The following CAMK4 variants were observed in gnomAD, a reference collection of about 807,000 sequenced individuals.
CAMK4 encodes calcium/calmodulin-dependent protein kinase type IV.
Under a neutral mutation model 44.9 loss-of-function variants are expected in CAMK4, and 22 were observed. The ratio of observed to expected loss-of-function variants is 0.49; its 90% CI spans 0.35 to 0.70. CAMK4 has a LOEUF of 0.70. Among genes scored for constraint, CAMK4 ranks in the 30% least tolerant of loss-of-function variants. The pLI is 0.01. For synonymous variants in CAMK4, 218 were observed against 215.4 expected, an observed-to-expected ratio of 1.01 and a Z score of -0.11; for missense variants, 498 against 586.8, an observed-to-expected ratio of 0.85 and a Z score of 1.56.
chr5:111,398,292 G>C (rs1039276719), intron 5 of CAMK4, among the ~76,000 whole-genome samples: 2 of 152,172 alleles, frequency 1.3e-5, no homozygotes, highest in South Asian at 2.1e-4. Context: ...CTTGACTCAG[G>C]CTTCCTTCCC....
intron 4 of CAMK4, among the ~76,000 whole-genome samples, chr5:111,387,500 C>T (rs1171699780): frequency 6.6e-6 from 1 of 152,182 alleles, no homozygotes; most frequent in Non-Finnish European, 1.5e-5. Flanking sequence ...CTAAAGCCAG[C>T]AGTAATCTTT....
At chr5:111,253,618 C>A (rs980568208) in intron 1 of CAMK4, among the ~76,000 whole-genome samples, 7 of 152,096 alleles carry the variant, frequency 4.6e-5, no homozygotes, top group African/African-American at 1.7e-4. Flanking sequence ...CAGAAATGAA[C>A]AAATGTACAT....
chr5:111,491,608 A>G lies in CAMK4; in HGVS notation c.*7142A>G, dbSNP rs1344334461. ...ACGCAAAATTGCATCACTCCTGAAG[A>G]AAAGAAATTTAGAGTATGAATTGAG... On this transcript the variant is annotated 3_prime_UTR_variant, in exon 11 of 11. Transcript: ENST00000282356. 1 of 152,184 alleles carries G rather than the reference A, an allele frequency of 6.6e-6. No individual in the cohort carries two copies. The highest frequency in any genetic ancestry group is 1.5e-5 in the Non-Finnish European group (1 of 68,034). 9.4% of individuals were successfully genotyped at this position (152,184 alleles called of 1,614,324 possible).
intron 2 of CAMK4, among the ~76,000 whole-genome samples, chr5:111,353,812 T>C (rs1168667773): frequency 6.6e-6 from 1 of 152,114 alleles, no homozygotes; most frequent in Non-Finnish European, 1.5e-5. Flanking sequence ...ATCTGTACTC[T>C]GAAAACTGTA....
chr5:111,481,324 G>A (rs1390203827), intron 9 of CAMK4, among the ~76,000 whole-genome samples: 4 of 152,058 alleles, frequency 2.6e-5, no homozygotes, highest in Non-Finnish European at 4.4e-5. Context: ...CCTGTTCAAC[G>A]GATAATAGCC....
rs141582367 is a variant in CAMK4 at position 111,232,502 on chromosome 5, T to G, written c.161+7858T>G. 1.2e-3 allele frequency among the ~76,000 whole-genome samples: 183 copies of G among 152,166 alleles called. 1 individual carries two copies. The highest frequency in any genetic ancestry group is 4.2e-3 in the African/African-American group (174 of 41,522). The stretch of plus-strand genomic sequence containing the variant: ...GATATACATTTTTGTTTTGCAAAAT[T>G]TATAAAGCATGAACATTGCAATGGC... On this transcript the variant is annotated intron_variant, in intron 1 of 10. Transcript: ENST00000282356.
At chr5:111,431,356 TAAATC>T (rs750716454) in intron 5 of CAMK4, among the ~76,000 whole-genome samples, 3 of 152,058 alleles carry the variant, frequency 2.0e-5, no homozygotes, top group Admixed American at 1.3e-4. Context: ...ATACAAAAAT[TAAATC>T]AAAAAGGATT....
Position 111,289,498 on chromosome 5 carries a change from A to G in CAMK4, c.162-54526A>G, listed in dbSNP as rs558094826. On this transcript the variant is annotated intron_variant, in intron 1 of 10. Transcript: ENST00000282356. Reference sequence around the variant, plus strand: ...AGTGTAGTGGCCTGTCACAATCTCTAAAAGACTTAAGGCAAGAAGGGTAGT... The same window carrying G: ...AGTGTAGTGGCCTGTCACAATCTCTGAAAGACTTAAGGCAAGAAGGGTAGT... Among the ~76,000 whole-genome samples, 138 of 152,366 alleles carry G rather than the reference A, an allele frequency of 9.1e-4. 2 individuals are homozygous for G. The Middle Eastern group carries it at 0.02, about 23-fold the overall frequency.
At chr5:111,295,400 A>G (rs1232289585) in intron 1 of CAMK4, among the ~76,000 whole-genome samples, 1 of 152,232 alleles carries the variant, frequency 6.6e-6, no homozygotes, top group East Asian at 1.9e-4. Context: ...CAAACTTGAA[A>G]GTGAACCGTG....
chr5:111,368,407 C>T (rs988522218), intron 2 of CAMK4, among the ~76,000 whole-genome samples: 3 of 152,006 alleles, frequency 2.0e-5, no homozygotes, highest in African/African-American at 4.8e-5. Flanking sequence ...TTTAGAAGTG[C>T]GAGGAAAACA....
At position 111,443,629 on chromosome 5, in the gene CAMK4, A is replaced by G. The variant is rs1326446045; in HGVS notation, c.460-3057A>G. Among the ~76,000 whole-genome samples the G allele has an allele frequency of 4.0e-5, 6 of 151,812 alleles. No homozygotes were observed. In the South Asian group the frequency reaches 6.2e-4, roughly 16 times the overall value. ...TTTGTTGTTTTTGTTGCTGTTGTTT[A>G]ACTTGCACTTAGAACGCAACCACCT... On this transcript the variant is annotated intron_variant, in intron 5 of 10. Transcript: ENST00000282356.
chr5:111,276,990 T>C (rs775675891), intron 1 of CAMK4, among the ~76,000 whole-genome samples: 1 of 152,178 alleles, frequency 6.6e-6, no homozygotes, highest in Non-Finnish European at 1.5e-5. Flanking sequence ...ACAGATAGTA[T>C]CTTGCTAGAC....
At chr5:111,378,112 A>T (rs1450826501) in intron 4 of CAMK4, among the ~76,000 whole-genome samples, 1 of 152,062 alleles carries the variant, frequency 6.6e-6, no homozygotes, top group Non-Finnish European at 1.5e-5. Flanking sequence ...TCATTAGGTC[A>T]TAAAGGTGGA....
At chr5:111,473,484 T>G (rs2112487977) in intron 8 of CAMK4, 98 bp downstream of exon 8, 1 of 775,672 alleles carries the variant, frequency 1.3e-6, no homozygotes, top group East Asian at 2.6e-5. Flanking sequence ...GATTACTTTT[T>G]GCCTTTTTGT....
chr5:111,345,320 G>A (rs994020727), intron 2 of CAMK4, among the ~76,000 whole-genome samples: 1 of 151,870 alleles, frequency 6.6e-6, no homozygotes, highest in Admixed American at 6.6e-5. Flanking sequence ...TCTGTTTGGT[G>A]TAGGCAATGA....
intron 5 of CAMK4, among the ~76,000 whole-genome samples, chr5:111,419,386 C>T (rs1415317303): frequency 1.1e-4 from 17 of 152,126 alleles, no homozygotes; most frequent in East Asian, 3.9e-4. Context: ...TCTCCCATTT[C>T]GTAGGTTGCC....
At chr5:111,308,185 G>T (rs1487039866) in intron 1 of CAMK4, among the ~76,000 whole-genome samples, 4 of 140,254 alleles carry the variant, frequency 2.9e-5, no homozygotes, top group African/African-American at 1.1e-4. Flanking sequence ...CACCAGCATG[G>T]CACATGTATA....
chr5:111,237,499 C>G (rs1351373038), intron 1 of CAMK4, among the ~76,000 whole-genome samples: 1 of 152,314 alleles, frequency 6.6e-6, no homozygotes, highest in East Asian at 1.9e-4. Context: ...ATTTTATTCT[C>G]ATTTTGTGCT....
rs1755633017 is a variant in CAMK4 at position 111,486,535 on chromosome 5, ACACACACG to A, written c.*2070_*2077del. On this transcript the variant is annotated 3_prime_UTR_variant, in exon 11 of 11. Coordinates refer to ENST00000282356, the MANE Select transcript of CAMK4 (RefSeq NM_001744.6). ...CACACACACACACACACACACACACACACACACGTGTTGGAAGAGCAAAGAGAGGGAAG... is the reference window on the plus strand; with the variant it reads ...CACACACACACACACACACACACACATGTTGGAAGAGCAAAGAGAGGGAAG... The A allele has an allele frequency of 7.0e-6, 1 of 143,830 alleles. No homozygotes were observed. Among genetic ancestry groups the A allele is most frequent in the South Asian group, 2.4e-4 (1 of 4,158 alleles). The allele number at this position is 143,830 out of a possible 1,614,324, so 8.9% of individuals were successfully genotyped here.
Sources: gnomAD v4.1 joint callset for allele counts (sites outside exome capture counted in the v4.1 genomes callset) on GRCh38, gnomAD v4.1.1 for gene constraint, MANE v1.5 for transcripts, NCBI Gene and HGNC (gene_info 2026-07-23, HGNC 2026-07-21) for gene names.